Variants in GRIK2 observed in about 807,000 individuals in gnomAD.
The protein encoded by GRIK2 is glutamate receptor ionotropic, kainate 2.
GRIK2 carries 32 observed loss-of-function variants against 100.3 expected under a neutral mutation model. That is an observed-to-expected ratio of 0.32 (90% confidence interval 0.24 to 0.43). The LOEUF is 0.43. GRIK2 is among the 20% of genes least tolerant of loss of function. The pLI, the probability that GRIK2 is intolerant of heterozygous loss-of-function variation, is 1.00. For synonymous variants in GRIK2, 417 were observed against 389.4 expected (o/e 1.07, Z -0.83); for missense variants, 843 against 1,114.9 (o/e 0.76, Z 3.47).
At chr6:102,029,063 A>G (rs1286722642) in intron 14 of GRIK2, among the ~76,000 whole-genome samples, 2 of 151,114 alleles carry the variant, frequency 1.3e-5, no homozygotes, top group Admixed American at 1.3e-4. Context: ...AGTATTTCCT[A>G]ATAAATTTGG....
At chr6:101,583,296 A>G (rs962451936) in intron 2 of GRIK2, among the ~76,000 whole-genome samples, 2 of 152,148 alleles carry the variant, frequency 1.3e-5, no homozygotes, top group African/African-American at 4.8e-5. Flanking sequence ...AGCCACGTTA[A>G]TGAAGGTGTC....
rs180781247 is a variant in GRIK2 at position 102,065,687 on chromosome 6, T to C, written c.2563-2660T>C. 1.8e-3 allele frequency: 1,104 copies of C among 617,432 alleles called. 9 individuals are homozygous for C. The African/African-American group carries it at 0.02, about 11-fold the overall frequency. 38.2% of individuals were successfully genotyped at this position (617,432 alleles called of 1,614,324 possible). A position where few individuals can be genotyped will look rare whatever the true frequency, so the allele number is the denominator to read the frequency against. Reference sequence around the variant, plus strand: ...TTTATTGGTTTTAAATGAAGGTTTATTTCAAACGATTCAATGTTACACGTC... The same window carrying C: ...TTTATTGGTTTTAAATGAAGGTTTACTTCAAACGATTCAATGTTACACGTC... On this transcript the variant is annotated intron_variant, in intron 16 of 16. Coordinates refer to ENST00000369134, the MANE Select transcript of GRIK2 (RefSeq NM_021956.5).
rs768474438 is a variant in GRIK2 at position 101,896,585 on chromosome 6, G to A, written c.1748+6722G>A. Among the ~76,000 whole-genome samples the A allele has an allele frequency of 7.3e-4, 111 of 151,372 alleles. 1 individual carries two copies. The highest frequency in any genetic ancestry group is 5.9e-4 in the Admixed American group (9 of 15,142). ...TGTTAGGCCAAAATTAAGTATAAACGCAAGAGCAGAAATTTGATAGCCCAT... is the reference window on the plus strand; with the variant it reads ...TGTTAGGCCAAAATTAAGTATAAACACAAGAGCAGAAATTTGATAGCCCAT... On this transcript the variant is annotated intron_variant, in intron 12 of 16. Transcript: ENST00000369134.
chr6:101,510,312 A>G (rs1222917810), intron 2 of GRIK2, among the ~76,000 whole-genome samples: 1 of 152,140 alleles, frequency 6.6e-6, no homozygotes, highest in African/African-American at 2.4e-5. Context: ...GCAAGGATGC[A>G]CTAGAGTGGG....
intron 4 of GRIK2, among the ~76,000 whole-genome samples, chr6:101,633,874 G>C (rs1445262078): frequency 3.3e-5 from 5 of 152,010 alleles, no homozygotes; most frequent in Admixed American, 1.3e-4. Context: ...TTTGCCCAAG[G>C]TTACATACAT....
chr6:101,909,585 C>T (rs1250958051), intron 12 of GRIK2, among the ~76,000 whole-genome samples: 1 of 150,218 alleles, frequency 6.7e-6, no homozygotes, highest in African/African-American at 2.4e-5. Flanking sequence ...AGCACATTTC[C>T]TGTTTTATTG....
At chr6:101,844,078 A>G (rs1479763752) in intron 10 of GRIK2, among the ~76,000 whole-genome samples, 1 of 152,142 alleles carries the variant, frequency 6.6e-6, no homozygotes, top group African/African-American at 2.4e-5. Flanking sequence ...CTCATTTTTA[A>G]TTTTACAGGG....
intron 7 of GRIK2, among the ~76,000 whole-genome samples, chr6:101,723,732 A>G (rs1166386344): frequency 6.6e-6 from 1 of 152,042 alleles, no homozygotes; most frequent in Non-Finnish European, 1.5e-5. Context: ...TAGCATCTAT[A>G]TAATAAAGAC....
intron 2 of GRIK2, among the ~76,000 whole-genome samples, chr6:101,553,127 G>A (rs918958167): frequency 6.6e-6 from 1 of 152,064 alleles, no homozygotes; most frequent in Non-Finnish European, 1.5e-5. Flanking sequence ...TAGAAAGGAG[G>A]CAGAAAAAGA....
At chr6:101,712,237 C>G (rs544344237) in intron 7 of GRIK2, among the ~76,000 whole-genome samples, 2 of 151,778 alleles carry the variant, frequency 1.3e-5, no homozygotes, top group South Asian at 4.1e-4. Context: ...AACCTTGCTA[C>G]CCTGTGTGTG....
chr6:101,773,875 A>G (rs1276653548), intron 7 of GRIK2, among the ~76,000 whole-genome samples: 6 of 152,170 alleles, frequency 3.9e-5, no homozygotes, highest in Admixed American at 3.9e-4. Flanking sequence ...TGAAAATTGT[A>G]CTTTTTCAAA....
intron 2 of GRIK2, among the ~76,000 whole-genome samples, chr6:101,494,433 T>C (rs55804474): frequency 0.13 from 19,009 of 151,922 alleles, 1,380 homozygotes; most frequent in African/African-American, 0.2. Context: ...TGTATTACAT[T>C]ACATTATTTT....
intron 2 of GRIK2, among the ~76,000 whole-genome samples, chr6:101,558,959 T>A (rs1253079727): frequency 6.6e-6 from 1 of 152,138 alleles, no homozygotes; most frequent in Non-Finnish European, 1.5e-5. Flanking sequence ...TTGCTATTTC[T>A]GTATTCTTTA....
chr6:101,685,498 A>T (rs1397537833), intron 6 of GRIK2, among the ~76,000 whole-genome samples: 1 of 152,168 alleles, frequency 6.6e-6, no homozygotes, highest in Non-Finnish European at 1.5e-5. Flanking sequence ...ATCCATTTCC[A>T]TGATAGCTTT....
At chr6:101,713,543 CA>C (rs557564642) in intron 7 of GRIK2, among the ~76,000 whole-genome samples, 92 of 151,800 alleles carry the variant, frequency 6.1e-4, no homozygotes, top group African/African-American at 2.2e-3. Flanking sequence ...GTCTATTAAG[CA>C]AAATAAGATA....
At chr6:101,963,079 T>G (rs1427135246) in intron 14 of GRIK2, among the ~76,000 whole-genome samples, 1 of 151,680 alleles carries the variant, frequency 6.6e-6, no homozygotes, top group Non-Finnish European at 1.5e-5. Context: ...TAAATTTACA[T>G]CTGCCAATTA....
chr6:101,861,151 C>T (rs553134551), intron 11 of GRIK2, among the ~76,000 whole-genome samples: 1 of 152,246 alleles, frequency 6.6e-6, no homozygotes. Context: ...TAAGTTATAT[C>T]ATTTTAATAA....
intron 7 of GRIK2, among the ~76,000 whole-genome samples, chr6:101,774,780 A>T (rs1778637785): frequency 6.6e-6 from 1 of 152,082 alleles, no homozygotes; most frequent in Non-Finnish European, 1.5e-5. Context: ...TTTTGTATAA[A>T]CGTTTAAAGG....
intron 4 of GRIK2, among the ~76,000 whole-genome samples, chr6:101,658,972 G>T (rs1348405598): frequency 1.3e-5 from 2 of 152,088 alleles, no homozygotes; most frequent in African/African-American, 2.4e-5. Context: ...CCATTCTATA[G>T]GTTGCCTGTT....
Sources: gnomAD v4.1 joint callset for allele counts (sites outside exome capture counted in the v4.1 genomes callset) on GRCh38, gnomAD v4.1.1 for gene constraint, MANE v1.5 for transcripts, NCBI Gene and HGNC (gene_info 2026-07-23, HGNC 2026-07-21) for gene names.